MBD5: variants seen among roughly 807,000 people sequenced by gnomAD.
The protein encoded by MBD5 is methyl-CpG binding domain protein 5.
Under a neutral mutation model 117.3 loss-of-function variants are expected in MBD5, and 13 were observed. The observed-to-expected ratio is 0.11, with a 90% CI of 0.07 to 0.18. The LOEUF (loss-of-function observed/expected upper bound fraction) is 0.18. MBD5 is among the 10% of genes least tolerant of loss of function. The pLI, the probability that MBD5 is intolerant of heterozygous loss-of-function variation, is 1.00. For synonymous variants in MBD5, 727 were observed against 766.4 expected (o/e 0.95, Z 0.85); for missense variants, 1,879 against 2,093.8 (o/e 0.90, Z 2.00).
chr2:148,021,763 A>G lies in MBD5; in HGVS notation c.-925+79A>G, dbSNP rs922874946. On this transcript the variant is annotated intron_variant, in intron 1 of 13. Coordinates refer to ENST00000642680, the MANE Select transcript of MBD5 (RefSeq NM_001378120.1). ...CGGGGCAACAGTAGCACCAAACCACATACGCAGTGGAGCTCCGGGGTGAGG... is the reference window on the plus strand; with the variant it reads ...CGGGGCAACAGTAGCACCAAACCACGTACGCAGTGGAGCTCCGGGGTGAGG... The G allele has an allele frequency of 2.6e-5, 6 of 230,936 alleles. 1 individual carries two copies. The East Asian group carries it at 7.9e-4, about 30-fold the overall frequency. The allele number at this position is 230,936 out of a possible 1,614,324, so 14.3% of individuals were successfully genotyped here.
intron 4 of MBD5, among the ~76,000 whole-genome samples, chr2:148,388,087 A>C (rs1704432998): frequency 6.6e-6 from 1 of 152,200 alleles, no homozygotes; most frequent in Admixed American, 6.5e-5. Flanking sequence ...AAGCTGTAAG[A>C]TTTAAGAAAG....
intron 1 of MBD5, among the ~76,000 whole-genome samples, chr2:148,036,588 C>T (rs1371664482): frequency 6.6e-6 from 1 of 152,002 alleles, no homozygotes; most frequent in Non-Finnish European, 1.5e-5. Context: ...CTTTTTTAGC[C>T]ATCAACTGGC....
intron 1 of MBD5, among the ~76,000 whole-genome samples, chr2:148,036,644 A>G (rs1459719986): frequency 1.3e-5 from 2 of 152,144 alleles, no homozygotes; most frequent in South Asian, 4.1e-4. Flanking sequence ...CCTATTTCTC[A>G]TAGTCAGTAC....
At position 148,227,176 on chromosome 2, in the gene MBD5, G is replaced by T. The variant is rs529817513; in HGVS notation, c.-830-6069G>T. 7.2e-5 allele frequency among the ~76,000 whole-genome samples: 11 copies of T among 152,288 alleles called. No individual in the cohort carries two copies. The East Asian group carries it at 1.5e-3, about 21-fold the overall frequency. On this transcript the variant is annotated intron_variant, in intron 2 of 13. Transcript: ENST00000642680. ...CCATTGCTTTTGGTGTTTTAGACAG[G>T]AAGTCCTTGCCCATGCCTATGTCCT...
chr2:148,455,993 A>G (rs1223111494), intron 4 of MBD5, among the ~76,000 whole-genome samples: 1 of 152,164 alleles, frequency 6.6e-6, no homozygotes, highest in Non-Finnish European at 1.5e-5. Flanking sequence ...TAGAAATTCC[A>G]TGAGGCCACA....
chr2:148,444,990 T>C (rs1311187829), intron 4 of MBD5, among the ~76,000 whole-genome samples: 1 of 151,208 alleles, frequency 6.6e-6, no homozygotes, highest in Non-Finnish European at 1.5e-5. Flanking sequence ...CACTTGACCT[T>C]GTTTCCACAT....
chr2:148,155,986 A>T (rs931892573), intron 1 of MBD5, among the ~76,000 whole-genome samples: 19 of 152,330 alleles, frequency 1.2e-4, no homozygotes, highest in African/African-American at 4.1e-4. Context: ...AAACGAAGGG[A>T]CCACTTGTAC....
At chr2:148,080,518 A>T (rs1263238474) in intron 1 of MBD5, among the ~76,000 whole-genome samples, 1 of 152,136 alleles carries the variant, frequency 6.6e-6, no homozygotes, top group Non-Finnish European at 1.5e-5. Flanking sequence ...TCTGGCATCC[A>T]CTTTTGAAAC....
At chr2:148,147,921 G>C (rs1182638294) in intron 1 of MBD5, among the ~76,000 whole-genome samples, 2 of 152,080 alleles carry the variant, frequency 1.3e-5, no homozygotes, top group Non-Finnish European at 2.9e-5. Flanking sequence ...CAGGTCTTTT[G>C]TGATCATGCA....
intron 1 of MBD5, chr2:148,027,639 A>G (rs567330528): frequency 1.3e-5 from 2 of 152,250 alleles, no homozygotes; most frequent in South Asian, 4.1e-4. Context: ...TGTTCAATAG[A>G]TATATAAGGC....
chr2:148,395,555 G>C (rs1704687437), intron 4 of MBD5, among the ~76,000 whole-genome samples: 1 of 151,362 alleles, frequency 6.6e-6, no homozygotes, highest in South Asian at 2.1e-4. Flanking sequence ...CTCCCGAGTA[G>C]CTGGGATCAC....
At chr2:148,426,133 T>C (rs964194620) in intron 4 of MBD5, among the ~76,000 whole-genome samples, 3 of 152,190 alleles carry the variant, frequency 2.0e-5, no homozygotes, top group Non-Finnish European at 4.4e-5. Context: ...TACAAACCAC[T>C]GCTCAATGAA....
intron 2 of MBD5, among the ~76,000 whole-genome samples, chr2:148,195,399 A>G (rs1327411010): frequency 6.6e-6 from 1 of 152,198 alleles, no homozygotes; most frequent in Non-Finnish European, 1.5e-5. Flanking sequence ...TTAAAAATAT[A>G]TGAAGCAAAA....
intron 2 of MBD5, among the ~76,000 whole-genome samples, chr2:148,195,899 G>T (rs899798354): frequency 6.6e-6 from 1 of 152,120 alleles, no homozygotes; most frequent in African/African-American, 2.4e-5. Context: ...GGCTTAGAAA[G>T]AAATTTGTAA....
chr2:148,040,249 C>T (rs1415484170), intron 1 of MBD5, among the ~76,000 whole-genome samples: 5 of 151,828 alleles, frequency 3.3e-5, no homozygotes, highest in African/African-American at 1.2e-4. Flanking sequence ...GCCTGTAGTC[C>T]CAGAAGGAAG....
intron 7 of MBD5, among the ~76,000 whole-genome samples, chr2:148,464,799 A>G (rs1483318527): frequency 1.1e-4 from 4 of 36,076 alleles, no homozygotes; most frequent in Non-Finnish European, 4.3e-4. Context: ...CTCTAAAATA[A>G]TTTAAAAAAA....
At chr2:148,183,304 A>C (rs1169695120) in intron 2 of MBD5, among the ~76,000 whole-genome samples, 2 of 152,054 alleles carry the variant, frequency 1.3e-5, no homozygotes, top group African/African-American at 4.8e-5. Flanking sequence ...TATAGTGACC[A>C]TGTATTATCG....
chr2:148,196,035 C>G (rs565911376), intron 2 of MBD5, among the ~76,000 whole-genome samples: 2 of 152,286 alleles, frequency 1.3e-5, no homozygotes, highest in East Asian at 1.9e-4. Context: ...AGCCCTCAAG[C>G]TGAGTAACAA....
At chr2:148,158,134 A>C (rs757065518) in intron 1 of MBD5, among the ~76,000 whole-genome samples, 34 of 152,310 alleles carry the variant, frequency 2.2e-4, no homozygotes, top group Non-Finnish European at 4.4e-4. Flanking sequence ...AAAATTTAAA[A>C]ATAAAATAAA....
Sources: allele counts gnomAD v4.1 joint callset (sites outside exome capture counted in the v4.1 genomes callset), GRCh38; gene constraint gnomAD v4.1.1; transcripts MANE v1.5; gene names NCBI Gene and HGNC (gene_info 2026-07-23, HGNC 2026-07-21).